The following FGFR2 variants were observed in gnomAD, a reference collection of about 807,000 sequenced individuals.
FGFR2 encodes BEK fibroblast growth factor receptor.
In FGFR2, 19 loss-of-function variants were observed where a neutral mutation model predicts 95.9. The ratio of observed to expected loss-of-function variants is 0.20; its 90% CI spans 0.14 to 0.29. The LOEUF (loss-of-function observed/expected upper bound fraction) is 0.29, where lower values mean the gene tolerates loss of function less well. Ranked by LOEUF, FGFR2 falls within the 10% of genes least tolerant of loss-of-function variation. The pLI, the probability that FGFR2 is intolerant of heterozygous loss-of-function variation, is 1.00. For synonymous variants in FGFR2, 392 were observed against 393.3 expected, an observed-to-expected ratio of 1.00 and a Z score of 0.04; for missense variants, 707 against 1,056.9, an observed-to-expected ratio of 0.67 and a Z score of 4.59.
chr10:121,554,979 A>G (rs917564298), intron 4 of FGFR2, among the ~76,000 whole-genome samples: 1 of 152,190 alleles, frequency 6.6e-6, no homozygotes, highest in Non-Finnish European at 1.5e-5. Context: ...TCTCATTTGG[A>G]GAAGGAACTC....
intron 6 of FGFR2, chr10:121,538,126 G>C: frequency 1.7e-6 from 1 of 575,070 alleles, no homozygotes; most frequent in South Asian, 2.2e-5. Flanking sequence ...TGGAAGTGAA[G>C]GGCCCTCAAC....
chr10:121,518,074 T>C lies in FGFR2; in HGVS notation c.940-611A>G, dbSNP rs1564914944. On this transcript the variant is annotated intron_variant, in intron 7 of 17. Transcript: ENST00000358487. This position sits in a 1 kb window ranked among gnomAD's most constrained non-coding sequence, Gnocchi z 4.0. ...TGGTAACCAAAAAAACTGGGCTTTT[T>C]CTCTTTTCATTAATAAACATTTGGA... 1 of 492,370 alleles carries C rather than the reference T, an allele frequency of 2.0e-6. No homozygotes were observed. The allele number at this position is 492,370 out of a possible 1,614,324, so 30.5% of individuals were successfully genotyped here.
At chr10:121,545,514 C>T (rs889464289) in intron 5 of FGFR2, among the ~76,000 whole-genome samples, 4 of 152,240 alleles carry the variant, frequency 2.6e-5, no homozygotes, top group Admixed American at 6.5e-5. Flanking sequence ...TGGTAAGTCA[C>T]GACGCAGGGG....
chr10:121,562,545 C>A (rs1381932431), intron 4 of FGFR2, among the ~76,000 whole-genome samples: 9 of 152,188 alleles, frequency 5.9e-5, no homozygotes. Context: ...CTCGGCCTCA[C>A]AAAGTGCTAG....
chr10:121,528,758 A>G (rs969459941), intron 6 of FGFR2, among the ~76,000 whole-genome samples: 2 of 152,204 alleles, frequency 1.3e-5, no homozygotes, highest in Non-Finnish European at 2.9e-5. Context: ...AGAAACTTCA[A>G]AATAGTCACC....
At chr10:121,507,653 GA>G (rs924915153) in intron 9 of FGFR2, among the ~76,000 whole-genome samples, 5 of 150,652 alleles carry the variant, frequency 3.3e-5, no homozygotes, top group Non-Finnish European at 7.4e-5. Flanking sequence ...TAAAATGAGG[GA>G]AAAAAAAACT....
intron 17 of FGFR2, among the ~76,000 whole-genome samples, chr10:121,482,789 G>A (rs1396611419): frequency 6.6e-6 from 1 of 152,134 alleles, no homozygotes; most frequent in African/African-American, 2.4e-5. Context: ...TGTTGGCAAG[G>A]ATCATAAATT....
At chr10:121,592,502 T>C (rs576418167) in intron 2 of FGFR2, among the ~76,000 whole-genome samples, 2 of 152,242 alleles carry the variant, frequency 1.3e-5, no homozygotes, top group Non-Finnish European at 2.9e-5. Flanking sequence ...TCTCACACGA[T>C]TGCTTCAGGT....
intron 4 of FGFR2, among the ~76,000 whole-genome samples, chr10:121,556,127 TGGACGGACGGATGGATGGAC>T (rs1285793524): frequency 6.7e-6 from 1 of 150,286 alleles, no homozygotes; most frequent in African/African-American, 2.5e-5. Flanking sequence ...GATGGATGGA[TGGACGGACGGATGGATGGAC>T]GGATGGATGA....
At chr10:121,592,702 C>G (rs1181355130) in intron 2 of FGFR2, among the ~76,000 whole-genome samples, 2 of 152,096 alleles carry the variant, frequency 1.3e-5, no homozygotes, top group Non-Finnish European at 2.9e-5. Context: ...GTTCATTCAC[C>G]CCACGCACGA....
rs141052418 is a variant in FGFR2, at chr10:121,576,288, G to A, written c.110-10584C>T. 4.3e-3 allele frequency among the ~76,000 whole-genome samples: 652 copies of A among 152,324 alleles called. 5 individuals are homozygous for A. Among genetic ancestry groups the A allele is most frequent in the African/African-American group, 0.015 (609 of 41,580 alleles). On this transcript the variant is annotated intron_variant, in intron 2 of 17. Coordinates refer to ENST00000358487, the MANE Select transcript of FGFR2 (RefSeq NM_000141.5). ...TAGCGCCCAGGAAATAGATACTTAC[G>A]TTACAAGCTATGTTGAAGTCCTGCA... is the stretch of plus-strand genomic sequence containing the variant.
At chr10:121,591,739 C>T (rs1438833829) in intron 2 of FGFR2, among the ~76,000 whole-genome samples, 1 of 152,120 alleles carries the variant, frequency 6.6e-6, no homozygotes, top group Non-Finnish European at 1.5e-5. Flanking sequence ...CATAAAAATG[C>T]ACAAAAGGAC....
At chr10:121,553,382 CA>C (rs1485096934) in intron 4 of FGFR2, among the ~76,000 whole-genome samples, 1 of 152,142 alleles carries the variant, frequency 6.6e-6, no homozygotes, top group Non-Finnish European at 1.5e-5. Context: ...TTTGAGGGTT[CA>C]CCAGGGAGTA....
intron 17 of FGFR2, chr10:121,480,479 G>A: frequency 3.7e-6 from 1 of 272,518 alleles, no homozygotes; most frequent in Admixed American, 4.8e-5. Flanking sequence ...ACATGTTGTG[G>A]GTCCCCAGAC....
At chr10:121,524,143 CACA>C (rs1460894773) in intron 6 of FGFR2, among the ~76,000 whole-genome samples, 104 of 143,306 alleles carry the variant, frequency 7.3e-4, no homozygotes, top group African/African-American at 2.2e-3. Context: ...CACACACACA[CACA>C]CCCCAAGTTT....
rs1290393459 is a variant in FGFR2, at chr10:121,551,284, T to G, written c.624+6A>C. 1 of 1,614,004 alleles carries G rather than the reference T, an allele frequency of 6.2e-7. No individual in the cohort carries two copies. Among genetic ancestry groups the G allele is most frequent in the African/African-American group, 1.3e-5 (1 of 74,936 alleles). ...GAAATGTGATGTTCTGAAAGCTTAA[T>G]TCTACCTTGTAGCCTCCAATGCGAT... On this transcript the variant is annotated splice_donor_region_variant and intron_variant, in intron 5 of 17. Coordinates refer to ENST00000358487, the MANE Select transcript of FGFR2 (RefSeq NM_000141.5).
At chr10:121,483,618 C>G (rs1374428785) in intron 17 of FGFR2, 80 bp downstream of exon 17, 7 of 1,002,752 alleles carry the variant, frequency 7.0e-6, no homozygotes, top group Non-Finnish European at 1.1e-5. Context: ...CAACAGCCAA[C>G]AGGGGAGTGT....
chr10:121,559,472 C>A (rs1856645665), intron 4 of FGFR2, among the ~76,000 whole-genome samples: 1 of 152,256 alleles, frequency 6.6e-6, no homozygotes, highest in South Asian at 2.1e-4. Context: ...TCTCAGCCGC[C>A]CCAGGCTGCA....
intron 11 of FGFR2, 98 bp from the exon 12 acceptor site, chr10:121,498,703 T>G (rs1847206010): frequency 3.9e-6 from 4 of 1,018,516 alleles, no homozygotes; most frequent in Non-Finnish European, 6.2e-6. Context: ...AGCATGAAAT[T>G]GAATTTCAGA....
Sources: allele counts gnomAD v4.1 joint callset (sites outside exome capture counted in the v4.1 genomes callset), GRCh38; gene constraint gnomAD v4.1.1; non-coding constraint Gnocchi (gnomAD v3.1); transcripts MANE v1.5; gene names NCBI Gene and HGNC (gene_info 2026-07-23, HGNC 2026-07-21).